Variants in BLK observed in about 807,000 individuals in gnomAD.
BLK encodes tyrosine-protein kinase Blk.
Under a neutral mutation model 61.8 loss-of-function variants are expected in BLK, and 64 were observed. The ratio of observed to expected loss-of-function variants is 1.03; its 90% CI spans 0.85 to 1.27. BLK has a LOEUF of 1.27. Among genes scored for constraint, BLK ranks in the 50% most tolerant of loss-of-function variants. BLK has a pLI of 0.00. For missense variants in BLK, 853 were observed against 660.5 expected, an observed-to-expected ratio of 1.29 and a Z score of -3.19; for synonymous variants, 351 against 272.0, an observed-to-expected ratio of 1.29 and a Z score of -2.86.
At chr8:11,543,149 C>T in intron 1 of BLK, 75 bp from the exon 2 acceptor site, 1 of 1,607,682 alleles carries the variant, frequency 6.2e-7, no homozygotes. Context: ...CCGGAAGGGG[C>T]CAGGGATCCC....
chr8:11,512,731 T>G (rs1799066037), intron 1 of BLK, among the ~76,000 whole-genome samples: 1 of 152,158 alleles, frequency 6.6e-6, no homozygotes, highest in Non-Finnish European at 1.5e-5. Flanking sequence ...TGGCACAATC[T>G]CGGCTCACCG....
At chr8:11,549,151 C>T (rs535997486) in intron 5 of BLK, 29 bp downstream of exon 5, 313 of 1,555,548 alleles carry the variant, frequency 2.0e-4, no homozygotes, top group Non-Finnish European at 2.6e-4. Context: ...CCCCCTCGAG[C>T]CAAGATGCAG....
chr8:11,507,928 A>C (rs988967316), intron 1 of BLK, among the ~76,000 whole-genome samples: 1 of 152,144 alleles, frequency 6.6e-6, no homozygotes, highest in African/African-American at 2.4e-5. Context: ...CAGCACTGCT[A>C]ATCGGGGGTA....
At chr8:11,554,593 T>C (rs1304150383) in intron 6 of BLK, 150 bp from the exon 7 acceptor site, 2 of 954,928 alleles carry the variant, frequency 2.1e-6, no homozygotes, top group Admixed American at 2.0e-5. Flanking sequence ...GAGGTTGAGA[T>C]GCAGGGAAAG....
chr8:11,553,319 ATC>A (rs756759307), intron 6 of BLK: 1 of 393,238 alleles, frequency 2.5e-6, no homozygotes, highest in South Asian at 1.9e-5. Flanking sequence ...GTGCTGAGAA[ATC>A]TTCATCTCAG....
intron 10 of BLK, chr8:11,558,570 C>T (rs1801337566): frequency 2.2e-6 from 1 of 445,654 alleles, no homozygotes; most frequent in East Asian, 7.0e-5. Context: ...TGGAGGACAG[C>T]CCCACCTTCT....
At chr8:11,510,000 G>A (rs906825896) in intron 1 of BLK, 2 of 152,076 alleles carry the variant, frequency 1.3e-5, no homozygotes, top group South Asian at 4.2e-4. Context: ...TCATTTTTGG[G>A]CCTGCATAAT....
intron 4 of BLK, among the ~76,000 whole-genome samples, chr8:11,548,745 C>T (rs901413572): frequency 2.0e-4 from 31 of 152,268 alleles, no homozygotes; most frequent in African/African-American, 6.3e-4. Context: ...TCACCAAGCT[C>T]TGAACACGTC....
chr8:11,524,954 C>G (rs956571434), intron 1 of BLK, among the ~76,000 whole-genome samples: 2 of 150,764 alleles, frequency 1.3e-5, no homozygotes, highest in Non-Finnish European at 2.9e-5. Context: ...TTACATATCA[C>G]GAATGTTCAG....
intron 10 of BLK, chr8:11,560,978 C>T (rs1260772762): frequency 7.5e-6 from 4 of 534,516 alleles, no homozygotes; most frequent in Admixed American, 4.5e-5. Flanking sequence ...CTTCTCTTCT[C>T]CCTCCCTCTC....
In BLK at chr8:11,556,750, A is replaced by T; in HGVS notation, c.865A>T (p.Lys289Ter). The change falls in exon 9 of 13, where the codon AAG (lysine) becomes TAG (stop). Residue 289 changes from lysine (K) to a stop codon, truncating the protein, a stop_gained. Transcript: ENST00000259089. LOFTEE classifies it high-confidence loss of function. ...EAFLGEANVM[K>*]ALQHERLVRL... Reference sequence around the variant, plus strand: ...CTTTCTGGGTGAGGCCAACGTGATGAAGGCTCTGCAGCACGAGCGGCTGGT... The same window carrying T: ...CTTTCTGGGTGAGGCCAACGTGATGTAGGCTCTGCAGCACGAGCGGCTGGT... 1.2e-6 allele frequency: 2 copies of T among 1,614,220 alleles called. No individual in the cohort carries two copies. The highest frequency in any genetic ancestry group is 1.7e-6 in the Non-Finnish European group (2 of 1,180,048).
chr8:11,544,912 G>C (rs1408733107), intron 2 of BLK, among the ~76,000 whole-genome samples: 2 of 152,192 alleles, frequency 1.3e-5, no homozygotes, highest in Non-Finnish European at 2.9e-5. Context: ...AGACAAGAAA[G>C]AGACTCGTTC....
chr8:11,501,349 C>G (rs1425849664), intron 1 of BLK, among the ~76,000 whole-genome samples: 4 of 117,994 alleles, frequency 3.4e-5, no homozygotes, highest in South Asian at 3.1e-4. Flanking sequence ...AGGCTAAACT[C>G]TCTCTCTTTT....
Position 11,554,784 on chromosome 8 carries a change from G to C in BLK, c.514G>C (p.Glu172Gln). ...LSVKDVTTQG[E>Q]LIKHYKIRCL... ...TGTGAAGGATGTCACCACCCAGGGG[G>C]AGCTGATCAAGCACTATAAGATCCG... Residue 172 changes from glutamate (E) to glutamine (Q), a missense_variant, in exon 7 of 13, where the codon GAG (glutamate) becomes CAG (glutamine). Coordinates refer to ENST00000259089, the MANE Select transcript of BLK (RefSeq NM_001715.3). 2 of 1,614,010 alleles carry C rather than the reference G, an allele frequency of 1.2e-6. No individual in the cohort carries two copies. Among genetic ancestry groups the C allele is most frequent in the Non-Finnish European group, 1.7e-6 (2 of 1,180,022 alleles).
chr8:11,535,154 G>A (rs1396117957), intron 1 of BLK, among the ~76,000 whole-genome samples: 1 of 150,406 alleles, frequency 6.6e-6, no homozygotes, highest in Non-Finnish European at 1.5e-5. Context: ...CTCCAGTCTG[G>A]GTGACAAGAG....
chr8:11,555,500 C>T lies in BLK; in HGVS notation c.772+16C>T, dbSNP rs200129390. 183 of 1,614,026 alleles carry T rather than the reference C, an allele frequency of 1.1e-4. No homozygotes were observed. Among genetic ancestry groups the T allele is most frequent in the East Asian group, 3.6e-4 (16 of 44,874 alleles). ...GTCTGGATGGGTGAGTGTGTGCACA[C>T]GTGGGAGCATTTCTCCCCCCATTCC... On this transcript the variant is annotated intron_variant, in intron 8 of 12. Transcript: ENST00000259089.
chr8:11,558,182 C>T, intron 10 of BLK, 144 bp downstream of exon 10: 1 of 786,866 alleles, frequency 1.3e-6, no homozygotes, highest in Middle Eastern at 3.5e-4. Flanking sequence ...GGCAGATATC[C>T]CCAAGGTCAC....
At chr8:11,541,489 C>T (rs1338831733) in intron 1 of BLK, among the ~76,000 whole-genome samples, 1 of 147,554 alleles carries the variant, frequency 6.8e-6, no homozygotes, top group Non-Finnish European at 1.5e-5. Flanking sequence ...ACAAACCCAT[C>T]GTCTCTCTCT....
chr8:11,546,946 GC>G (rs1436420579), intron 3 of BLK, among the ~76,000 whole-genome samples: 4 of 152,182 alleles, frequency 2.6e-5, no homozygotes, highest in African/African-American at 9.7e-5. Context: ...GCCTTTCTGG[GC>G]CAGAGGCTCC....
Sources: gnomAD v4.1 joint callset for allele counts (sites outside exome capture counted in the v4.1 genomes callset) on GRCh38, gnomAD v4.1.1 for gene constraint, MANE v1.5 for transcripts, NCBI Gene and HGNC (gene_info 2026-07-23, HGNC 2026-07-21) for gene names.